ABR: variants seen among roughly 807,000 people sequenced by gnomAD.
ABR encodes active breakpoint cluster region-related protein.
In ABR, 35 loss-of-function variants were observed where a neutral mutation model predicts 107.2. That is an observed-to-expected ratio of 0.33 (90% confidence interval 0.25 to 0.43). The LOEUF (loss-of-function observed/expected upper bound fraction) is 0.43, where lower values mean the gene tolerates loss of function less well. Ranked by LOEUF, ABR falls within the 20% of genes least tolerant of loss-of-function variation. The probability of loss-of-function intolerance (pLI) is 1.00; values close to 1 mark genes in which losing one functional copy is unlikely to be tolerated. For missense variants in ABR, 815 were observed against 1,115.2 expected (o/e 0.73, Z 3.83); for synonymous variants, 498 against 462.0 (o/e 1.08, Z -1.00).
At chr17:1,189,857 T>C (rs1002113879), upstream of ABR, among the ~76,000 whole-genome samples, 7 of 152,150 alleles carry the variant, frequency 4.6e-5, no homozygotes, top group African/African-American at 1.7e-4. Context: ...TGTTATTCAC[T>C]GTAACCCCAG....
chr17:1,172,898 A>C (rs898522837), intron 1 of ABR, among the ~76,000 whole-genome samples: 18 of 151,998 alleles, frequency 1.2e-4, no homozygotes, highest in African/African-American at 4.1e-4. Flanking sequence ...CCCCTGGTAC[A>C]AACAGTCACT....
In ABR at chr17:1,011,120, C is replaced by T. The variant is rs2070500310; in HGVS notation, c.2102-257G>A. On this transcript the variant is annotated intron_variant, in intron 19 of 22. Transcript: ENST00000302538. This position sits in a 1 kb window ranked among gnomAD's most constrained non-coding sequence, Gnocchi z 4.8. ...GTGTTTGGGGAGTGAAATCCATCAC[C>T]CAGAGTTCAGAGCCACATTCATACC... 1 of 517,926 alleles carries T rather than the reference C, an allele frequency of 1.9e-6. No individual in the cohort carries two copies. Among genetic ancestry groups the T allele is most frequent in the African/African-American group, 1.9e-5 (1 of 51,974 alleles). 32.1% of individuals were successfully genotyped at this position (517,926 alleles called of 1,614,324 possible). A position where few individuals can be genotyped will look rare whatever the true frequency, so the allele number is the denominator to read the frequency against.
chr17:1,024,173 GCT>G (rs1234067335), intron 16 of ABR, among the ~76,000 whole-genome samples: 1 of 152,214 alleles, frequency 6.6e-6, no homozygotes, highest in Non-Finnish European at 1.5e-5. Context: ...GCCCAGGTCA[GCT>G]CTGAGCGGCC....
At position 1,051,442 on chromosome 17, in the gene ABR, C is replaced by T. The variant is rs566583826; in HGVS notation, c.1562-808G>A. Among the ~76,000 whole-genome samples, 14 of 152,170 alleles carry T rather than the reference C, an allele frequency of 9.2e-5. No homozygotes were observed. The highest frequency in any genetic ancestry group is 2.0e-4 in the Admixed American group (3 of 15,292). On this transcript the variant is annotated intron_variant, in intron 14 of 22. Transcript: ENST00000302538. This position sits in a 1 kb window ranked among gnomAD's most constrained non-coding sequence, Gnocchi z 4.3. ...GAGGGCTGGGGCGGGAGGGCAGGGC[C>T]GGGGGCTTTCCCCGGCATTTCCATC...
At chr17:1,152,021 G>A (rs2040816291) in intron 1 of ABR, among the ~76,000 whole-genome samples, 1 of 149,852 alleles carries the variant, frequency 6.7e-6, no homozygotes, top group Non-Finnish European at 1.5e-5. Flanking sequence ...CAGGCGTGGT[G>A]GTGAGCACCT....
intron 16 of ABR, among the ~76,000 whole-genome samples, chr17:1,039,085 C>G (rs1597488135): frequency 6.6e-6 from 1 of 152,282 alleles, no homozygotes; most frequent in East Asian, 1.9e-4. Context: ...GAGCCCGGCA[C>G]CCAGAGCTGA....
intron 16 of ABR, among the ~76,000 whole-genome samples, chr17:1,032,103 T>C (rs2072854522): frequency 1.3e-5 from 2 of 151,744 alleles, no homozygotes; most frequent in African/African-American, 4.8e-5. Context: ...CACACCCCAG[T>C]CCCTCCCTGC....
chr17:1,125,396 A>G (rs771862889), intron 1 of ABR, 29 bp from the exon 2 acceptor site: 4 of 1,608,958 alleles, frequency 2.5e-6, no homozygotes, highest in Non-Finnish European at 3.4e-6. Flanking sequence ...AAGGCCACTG[A>G]GAATCCTCCA....
intron 1 of ABR, among the ~76,000 whole-genome samples, chr17:1,217,191 C>T (rs1422507874): frequency 6.6e-6 from 1 of 152,212 alleles, no homozygotes; most frequent in African/African-American, 2.4e-5. Flanking sequence ...ACGAGGCTTT[C>T]TCCGTAATAG....
chr17:1,224,705 C>T (rs1555624253), intron 1 of ABR, among the ~76,000 whole-genome samples: 1 of 152,116 alleles, frequency 6.6e-6, no homozygotes. Context: ...GACAGGGACT[C>T]GCTCTGTCAC....
At position 1,168,620 on chromosome 17, in the gene ABR, G is replaced by A. The variant is rs16959176; in HGVS notation, c.61+11047C>T. ...AACCCACTGAAGGTTTCTGGGCAAA[G>A]GAGAGAAAATGGTCTAGCACAGCCA... On this transcript the variant is annotated intron_variant, in intron 1 of 22. Coordinates refer to ENST00000302538, the MANE Select transcript of ABR (RefSeq NM_021962.5). Among the ~76,000 whole-genome samples, 1,162 of 152,338 alleles carry A rather than the reference G, an allele frequency of 7.6e-3. 23 individuals are homozygous for A. Among genetic ancestry groups the A allele is most frequent in the African/African-American group, 0.026 (1,095 of 41,568 alleles).
intron 1 of ABR, among the ~76,000 whole-genome samples, chr17:1,198,266 A>G (rs1170445646): frequency 6.6e-6 from 1 of 151,522 alleles, no homozygotes; most frequent in Admixed American, 6.6e-5. Flanking sequence ...GACTTCCTGC[A>G]AAGACCACTA....
At chr17:1,185,666 A>T (rs1567873652) in intron 1 of ABR, among the ~76,000 whole-genome samples, 1 of 148,648 alleles carries the variant, frequency 6.7e-6, no homozygotes, top group African/African-American at 2.5e-5. Flanking sequence ...AAAAAAAAAA[A>T]AAAAAAAAAA....
chr17:1,006,129 G>A lies in ABR; in HGVS notation c.2531C>T (p.Ser844Phe), dbSNP rs772563422. The part of the protein sequence containing the change: ...LLYYLQHPPI[S>F]FAELKRNTLY... ...TGTGTTCCGCTTGAGTTCTGCGAAG[G>A]AAATGGGGGGGTGCTGCAGGTAGTA... Residue 844 changes from serine (S) to phenylalanine (F), a missense_variant, in exon 23 of 23, where the codon TCC becomes TTC. Physicochemically the swap from Ser to Phe is radical, Grantham distance 155. Coordinates refer to ENST00000302538, the MANE Select transcript of ABR (RefSeq NM_021962.5). The A allele has an allele frequency of 1.3e-5, 21 of 1,588,308 alleles. No homozygotes were observed. In the African/African-American group the frequency reaches 2.3e-4, roughly 17 times the overall value.
At chr17:1,135,769 G>A (rs368712497) in intron 1 of ABR, among the ~76,000 whole-genome samples, 4 of 152,188 alleles carry the variant, frequency 2.6e-5, no homozygotes, top group Admixed American at 6.5e-5. Context: ...CCAGCTATTC[G>A]GGGGGCTGAG....
intron 3 of ABR, among the ~76,000 whole-genome samples, chr17:1,100,270 G>A (rs1036269172): frequency 6.6e-6 from 1 of 152,172 alleles, no homozygotes; most frequent in African/African-American, 2.4e-5. Flanking sequence ...TAACTGGATT[G>A]ATTGGGAATG....
upstream of ABR, among the ~76,000 whole-genome samples, chr17:1,180,569 G>A (rs1395591130): frequency 2.6e-5 from 4 of 152,200 alleles, no homozygotes; most frequent in South Asian, 2.1e-4. Context: ...AGTCCCACAT[G>A]TGCCCCTCCT....
intron 16 of ABR, among the ~76,000 whole-genome samples, chr17:1,034,840 G>A (rs1210384291): frequency 1.3e-5 from 2 of 152,138 alleles, no homozygotes; most frequent in South Asian, 4.1e-4. Context: ...CTGCGAGAAT[G>A]CACGCCCCTC....
rs1464056929 is a variant in ABR at position 1,084,300 on chromosome 17, C to T, written c.532-673G>A. ...AATGAGGCAGGAGAATCGCTTGAACCCAAGAGGTGGAGGCTGCAGTGAACC... is the reference window on the plus strand; with the variant it reads ...AATGAGGCAGGAGAATCGCTTGAACTCAAGAGGTGGAGGCTGCAGTGAACC... On this transcript the variant is annotated intron_variant, in intron 4 of 22. Coordinates refer to ENST00000302538, the MANE Select transcript of ABR (RefSeq NM_021962.5). The surrounding 1 kb of genome is among the most constrained non-coding windows in gnomAD (Gnocchi z 4.2). Among the ~76,000 whole-genome samples, 2 of 152,230 alleles carry T rather than the reference C, an allele frequency of 1.3e-5. No homozygotes were observed. Among genetic ancestry groups the T allele is most frequent in the Admixed American group, 6.5e-5 (1 of 15,290 alleles).
Sources: allele counts gnomAD v4.1 joint callset (sites outside exome capture counted in the v4.1 genomes callset), GRCh38; gene constraint gnomAD v4.1.1; non-coding constraint Gnocchi (gnomAD v3.1); transcripts MANE v1.5; gene names NCBI Gene and HGNC (gene_info 2026-07-23, HGNC 2026-07-21).